Variants in USP30 observed in about 807,000 individuals in gnomAD.
The protein encoded by USP30 is ubiquitin carboxyl-terminal hydrolase 30.
Under a neutral mutation model 68.2 loss-of-function variants are expected in USP30, and 41 were observed. The ratio of observed to expected loss-of-function variants is 0.60; its 90% CI spans 0.47 to 0.78. The LOEUF is 0.78. Ranked by LOEUF, USP30 falls within the 30% of genes least tolerant of loss-of-function variation. The pLI is 0.00. For missense variants in USP30, 522 were observed against 649.4 expected, an observed-to-expected ratio of 0.80 and a Z score of 2.13; for synonymous variants, 229 against 253.7, an observed-to-expected ratio of 0.90 and a Z score of 0.93.
At chr12:109,084,863 T>G (rs1407600778) in intron 11 of USP30, 90 bp from the exon 12 acceptor site, 1 of 1,373,656 alleles carries the variant, frequency 7.3e-7, no homozygotes, top group Non-Finnish European at 9.7e-7. Flanking sequence ...TGTAGCATTA[T>G]GGGGAGTTAA....
chr12:109,085,742 T>G lies in USP30; in HGVS notation c.1365T>G (p.Thr455=), dbSNP rs375077503. ...ACATGCACTCTGGACACTTTGTCAC[T>G]TACCGACGGTCCCCACCTTCTGCCA... ...HGDMHSGHFV[T]YRRSPPSARN... Residue 455 remains threonine (T), a synonymous_variant, in exon 13 of 13, where the codon ACT becomes ACG. Coordinates refer to ENST00000257548, the MANE Select transcript of USP30 (RefSeq NM_032663.5). 62 of 1,614,110 alleles carry G rather than the reference T, an allele frequency of 3.8e-5. No individual in the cohort carries two copies. The African/African-American group carries it at 7.2e-4, about 19-fold the overall frequency.
In USP30 at chr12:109,025,301, G is replaced by A. The variant is rs2040436873; in HGVS notation, c.-228+229G>A. Among the ~76,000 whole-genome samples, 3 of 151,842 alleles carry A rather than the reference G, an allele frequency of 2.0e-5. No homozygotes were observed. The South Asian group carries it at 6.2e-4, about 32-fold the overall frequency. ...CAATTCCCCTGATAAATCCCTTCAT[G>A]TATTATATGAGAGATACCTTATATT... is the stretch of plus-strand genomic sequence containing the variant. On this transcript the variant is annotated intron_variant, in intron 2 of 15. Transcript: ENST00000392784.
intron 3 of USP30, among the ~76,000 whole-genome samples, chr12:109,028,563 C>CACTGA (rs2040460529): frequency 6.6e-6 from 1 of 152,068 alleles, no homozygotes; most frequent in Non-Finnish European, 1.5e-5. Flanking sequence ...CTGCAACCTC[C>CACTGA]ACCTACCAGG....
At chr12:109,081,483 T>A in intron 8 of USP30, 90 bp downstream of exon 8, 1 of 1,327,992 alleles carries the variant, frequency 7.5e-7, no homozygotes, top group Non-Finnish European at 1.1e-6. Context: ...GCTCAGGCAC[T>A]ATGTGTAATT....
chr12:109,055,649 G>A (rs980148300), intron 1 of USP30, among the ~76,000 whole-genome samples: 10 of 148,384 alleles, frequency 6.7e-5, no homozygotes, highest in Middle Eastern at 3.4e-3. Context: ...CGCCCACCTC[G>A]GCCTCCCAAA....
In USP30 at chr12:109,046,417, CTT is replaced by C. The variant is rs56405228; in HGVS notation, c.-135-1161_-135-1160del. 6.4e-4 allele frequency among the ~76,000 whole-genome samples: 93 copies of C among 146,202 alleles called. No homozygotes were observed. In the East Asian group the frequency reaches 0.011, roughly 17 times the overall value. The stretch of plus-strand genomic sequence containing the variant: ...CGTGAGCCATTGCACCCAGCCCAGT[CTT>C]TTTTTTTTTTTCTTCCTCTTCAGGC... On this transcript the variant is annotated intron_variant, in intron 3 of 15. Transcript: ENST00000392784.
intron 4 of USP30, among the ~76,000 whole-genome samples, chr12:109,068,224 A>G (rs755961009): frequency 1.3e-5 from 2 of 152,156 alleles, no homozygotes; most frequent in African/African-American, 2.4e-5. Context: ...AGTTCTAGAG[A>G]TGAAAAAATC....
intron 7 of USP30, among the ~76,000 whole-genome samples, chr12:109,079,339 C>CTTTTTTTTTTTTTTT (rs750712233): frequency 2.2e-4 from 14 of 62,246 alleles, no homozygotes; most frequent in Admixed American, 9.4e-4. Flanking sequence ...TTTTCTTTTT[C>CTTTTTTTTTTTTTTT]TTTTTTTTTT....
chr12:109,039,396 A>T (rs956720622), intron 3 of USP30, among the ~76,000 whole-genome samples: 12 of 152,194 alleles, frequency 7.9e-5, no homozygotes, highest in African/African-American at 2.9e-4. Flanking sequence ...GGGTGGGAAG[A>T]CAGGAGATAG....
chr12:109,079,607 C>G (rs1260264947), intron 7 of USP30, among the ~76,000 whole-genome samples: 1 of 151,832 alleles, frequency 6.6e-6, no homozygotes, highest in African/African-American at 2.4e-5. Context: ...CTCAAGTGAT[C>G]CTTACACTTC....
At chr12:109,035,370 A>AT (rs374521130) in intron 3 of USP30, among the ~76,000 whole-genome samples, 44 of 137,340 alleles carry the variant, frequency 3.2e-4, no homozygotes, top group South Asian at 9.6e-4. Context: ...ATTTTATTTT[A>AT]TTTATTTATT....
intron 3 of USP30, among the ~76,000 whole-genome samples, chr12:109,038,650 G>C (rs1286080281): frequency 1.3e-5 from 2 of 152,116 alleles, no homozygotes; most frequent in Non-Finnish European, 2.9e-5. Flanking sequence ...AGGAATGGTT[G>C]GATCATTATG....
chr12:109,079,779 G>A (rs1161316811), intron 7 of USP30, among the ~76,000 whole-genome samples: 5 of 151,924 alleles, frequency 3.3e-5, no homozygotes, highest in Non-Finnish European at 7.4e-5. Flanking sequence ...AGTTTCCATT[G>A]TTCTGAGATT....
intron 2 of USP30, among the ~76,000 whole-genome samples, chr12:109,026,605 C>T (rs971455444): frequency 3.3e-5 from 5 of 151,514 alleles, no homozygotes; most frequent in African/African-American, 7.3e-5. Context: ...CTGTAGTAGA[C>T]CGTAGGTGCG....
chr12:109,060,959 T>A (rs951138887), intron 3 of USP30, among the ~76,000 whole-genome samples: 48 of 152,052 alleles, frequency 3.2e-4, no homozygotes, highest in Non-Finnish European at 5.4e-4. Context: ...TTAATTTTTT[T>A]AAAAAAATAG....
At chr12:109,055,643 C>T in intron 1 of USP30, among the ~76,000 whole-genome samples, 1 of 148,038 alleles carries the variant, frequency 6.8e-6, no homozygotes, top group Admixed American at 6.8e-5. Context: ...GTGATCCGCC[C>T]ACCTCGGCCT....
intron 3 of USP30, among the ~76,000 whole-genome samples, chr12:109,037,088 G>A (rs1207098478): frequency 6.6e-6 from 1 of 151,928 alleles, no homozygotes; most frequent in Non-Finnish European, 1.5e-5. Flanking sequence ...GAGTCCCACA[G>A]GTCTCTGAGC....
chr12:109,027,549 G>A (rs2040453569), exon 3 of USP30: 1 of 152,214 alleles, frequency 6.6e-6, no homozygotes, highest in Non-Finnish European at 1.5e-5. Flanking sequence ...AAAGTGCTGG[G>A]ATTATAGGTG....
At chr12:109,033,853 G>C (rs1281961790) in intron 3 of USP30, among the ~76,000 whole-genome samples, 1 of 152,030 alleles carries the variant, frequency 6.6e-6, no homozygotes, top group African/African-American at 2.4e-5. Flanking sequence ...GGAGTCCCTG[G>C]GTCACATAGC....
Sources: allele counts gnomAD v4.1 joint callset (sites outside exome capture counted in the v4.1 genomes callset), GRCh38; gene constraint gnomAD v4.1.1; transcripts MANE v1.5; gene names NCBI Gene and HGNC (gene_info 2026-07-23, HGNC 2026-07-21).